Variants in CDH13 observed in about 807,000 individuals in gnomAD.
The protein encoded by CDH13 is cadherin 13.
In CDH13, 24 loss-of-function variants were observed where a neutral mutation model predicts 63.8. That is an observed-to-expected ratio of 0.38 (90% confidence interval 0.27 to 0.53). The LOEUF (loss-of-function observed/expected upper bound fraction) is 0.53, where lower values mean the gene tolerates loss of function less well. Ranked by LOEUF, CDH13 falls within the 20% of genes least tolerant of loss-of-function variation. CDH13 has a pLI of 0.85. For missense variants in CDH13, 1,049 were observed against 903.1 expected, an observed-to-expected ratio of 1.16 and a Z score of -2.07; for synonymous variants, 503 against 355.3, an observed-to-expected ratio of 1.42 and a Z score of -4.67.
intron 6 of CDH13, among the ~76,000 whole-genome samples, chr16:83,356,227 TG>T (rs2091052965): frequency 3.5e-5 from 3 of 86,698 alleles, no homozygotes; most frequent in Non-Finnish European, 7.0e-5. Context: ...TGTGTGTGTG[TG>T]TGTGTGTGTG....
intron 1 of CDH13, chr16:82,719,575 G>T (rs2032624726): frequency 2.6e-6 from 1 of 379,856 alleles, no homozygotes; most frequent in Non-Finnish European, 5.3e-6. Context: ...GATGGGCGCA[G>T]TGGCTTGTGT....
At chr16:83,437,758 T>G (rs536931059) in intron 6 of CDH13, among the ~76,000 whole-genome samples, 32 of 152,220 alleles carry the variant, frequency 2.1e-4, no homozygotes, top group Non-Finnish European at 2.8e-4. Context: ...TTGACTGCCC[T>G]TTTCCCATGA....
chr16:83,460,473 A>T (rs1207979661), intron 6 of CDH13, among the ~76,000 whole-genome samples: 2 of 152,234 alleles, frequency 1.3e-5, no homozygotes, highest in Admixed American at 6.5e-5. Flanking sequence ...AATGGCCTAC[A>T]TGCTCATTGA....
intron 5 of CDH13, among the ~76,000 whole-genome samples, chr16:83,288,508 C>T (rs2089382775): frequency 2.0e-5 from 3 of 152,142 alleles, no homozygotes; most frequent in Admixed American, 6.5e-5. Flanking sequence ...AGGGCAGAGA[C>T]AGGGTGGCAG....
At chr16:83,143,756 T>G (rs73604243) in intron 4 of CDH13, among the ~76,000 whole-genome samples, 7,971 of 152,196 alleles carry the variant, frequency 0.052, 692 homozygotes, top group African/African-American at 0.18. Flanking sequence ...CTTGAGTGCT[T>G]TTTAAACTTC....
intron 10 of CDH13, among the ~76,000 whole-genome samples, chr16:83,730,387 A>G (rs1598605659): frequency 1.3e-5 from 2 of 152,314 alleles, no homozygotes; most frequent in South Asian, 4.1e-4. Flanking sequence ...TTTAAGCTAA[A>G]TAATTAGAGG....
chr16:83,789,504 G>A (rs1210396043), intron 13 of CDH13, among the ~76,000 whole-genome samples: 3 of 151,904 alleles, frequency 2.0e-5, no homozygotes, highest in Admixed American at 6.6e-5. Flanking sequence ...CTGCCACCAC[G>A]CCCAGCTAAT....
intron 2 of CDH13, among the ~76,000 whole-genome samples, chr16:82,875,927 G>C (rs2040489482): frequency 6.6e-6 from 1 of 152,224 alleles, no homozygotes; most frequent in African/African-American, 2.4e-5. Flanking sequence ...AGTTCCACAT[G>C]AGTGGGGAGG....
chr16:83,284,941 T>A (rs542538683), intron 5 of CDH13, among the ~76,000 whole-genome samples: 6 of 152,220 alleles, frequency 3.9e-5, no homozygotes, highest in Non-Finnish European at 8.8e-5. Flanking sequence ...ACAGCTGTTT[T>A]CTGACTGAAT....
At chr16:83,758,003 C>A (rs752481999) in intron 11 of CDH13, among the ~76,000 whole-genome samples, 22 of 151,558 alleles carry the variant, frequency 1.5e-4, no homozygotes, top group Non-Finnish European at 1.9e-4. Flanking sequence ...GTGGTGCACG[C>A]CTGTAATCCC....
At chr16:82,899,882 G>A (rs561877624) in intron 2 of CDH13, among the ~76,000 whole-genome samples, 53 of 152,208 alleles carry the variant, frequency 3.5e-4, no homozygotes, top group African/African-American at 1.2e-3. Context: ...TGATTTCCTG[G>A]CCCCTGGCAT....
At position 83,345,007 on chromosome 16, in the gene CDH13, G is replaced by A; in HGVS notation, c.781+1G>A. On this transcript the variant is annotated splice_donor_variant, in intron 6 of 13. Transcript: ENST00000567109. LOFTEE classifies it high-confidence loss of function. The stretch of plus-strand genomic sequence containing the variant: ...CACGTCATGGAAGGGTCACCCACAG[G>A]TATGTCACATTGGCTTACCTTTAGC... 6.2e-7 allele frequency: 1 copy of A among 1,613,698 alleles called. No homozygotes were observed. Among genetic ancestry groups the A allele is most frequent in the Non-Finnish European group, 8.5e-7 (1 of 1,179,704 alleles).
intron 10 of CDH13, among the ~76,000 whole-genome samples, chr16:83,709,346 T>G (rs148499805): frequency 6.6e-6 from 1 of 152,324 alleles, no homozygotes; most frequent in East Asian, 1.9e-4. Context: ...ACCTGAGATA[T>G]TAACCTTCAT....
At chr16:82,661,283 C>A (rs761390949) in intron 1 of CDH13, among the ~76,000 whole-genome samples, 14 of 152,230 alleles carry the variant, frequency 9.2e-5, no homozygotes, top group Non-Finnish European at 2.1e-4. Flanking sequence ...TAGCTCTGAT[C>A]ACAGCTTAAT....
intron 6 of CDH13, among the ~76,000 whole-genome samples, chr16:83,431,474 A>G (rs969836711): frequency 3.9e-5 from 6 of 151,986 alleles, no homozygotes; most frequent in African/African-American, 1.4e-4. Flanking sequence ...AGGTCATTGT[A>G]TCAGTCCGTT....
intron 2 of CDH13, among the ~76,000 whole-genome samples, chr16:83,014,880 GTT>G (rs1567746201): frequency 1.5e-5 from 2 of 130,010 alleles, no homozygotes; most frequent in Non-Finnish European, 3.2e-5. Flanking sequence ...ATATATATAT[GTT>G]TGTGTATATA....
chr16:83,330,274 A>G (rs988013106), intron 5 of CDH13, among the ~76,000 whole-genome samples: 2 of 152,240 alleles, frequency 1.3e-5, no homozygotes, highest in African/African-American at 4.8e-5. Flanking sequence ...AGAATTGTAT[A>G]AATGCCAATA....
intron 5 of CDH13, among the ~76,000 whole-genome samples, chr16:83,298,743 A>G (rs2089662125): frequency 6.6e-6 from 1 of 152,210 alleles, no homozygotes; most frequent in Non-Finnish European, 1.5e-5. Flanking sequence ...GCCCCAGAGT[A>G]AAAGCCCTCA....
intron 2 of CDH13, among the ~76,000 whole-genome samples, chr16:82,913,777 G>A (rs1031186172): frequency 6.6e-6 from 1 of 152,038 alleles, no homozygotes; most frequent in Non-Finnish European, 1.5e-5. Flanking sequence ...GGAGATGAAG[G>A]GGGTGCAGGT....
Sources: allele counts gnomAD v4.1 joint callset (sites outside exome capture counted in the v4.1 genomes callset), GRCh38; gene constraint gnomAD v4.1.1; transcripts MANE v1.5; gene names NCBI Gene and HGNC (gene_info 2026-07-23, HGNC 2026-07-21).